The following PRKN variants were observed in gnomAD, a reference collection of about 807,000 sequenced individuals.
PRKN encodes the protein parkin RBR E3 ubiquitin protein ligase.
In PRKN, 56 loss-of-function variants were observed where a neutral mutation model predicts 59.5. That is an observed-to-expected ratio of 0.94 (90% CI 0.76 to 1.18). The LOEUF is 1.18. PRKN is among the 50% of genes most tolerant of loss of function. The pLI is 0.00. For synonymous variants in PRKN, 250 were observed against 222.1 expected, an observed-to-expected ratio of 1.13 and a Z score of -1.12; for missense variants, 657 against 596.4, an observed-to-expected ratio of 1.10 and a Z score of -1.06.
chr6:161,518,652 C>T lies in PRKN; in HGVS notation c.1083+30202G>A, dbSNP rs1200870822. 6.6e-6 allele frequency among the ~76,000 whole-genome samples: 1 copy of T among 152,216 alleles called. No individual in the cohort carries two copies. Among genetic ancestry groups the T allele is most frequent in the Non-Finnish European group, 1.5e-5 (1 of 68,034 alleles). The stretch of plus-strand genomic sequence containing the variant: ...ACAAGCCCAGCCTCCGCTCACCCAG[C>T]CCCCTAGTGAGGTGAACCACGGCTC... On this transcript the variant is annotated intron_variant, in intron 9 of 11. Coordinates refer to ENST00000366898, the MANE Select transcript of PRKN (RefSeq NM_004562.3). This position sits in a 1 kb window ranked among gnomAD's most constrained non-coding sequence, Gnocchi z 5.0.
At chr6:162,559,805 A>T (rs748108362) in intron 1 of PRKN, among the ~76,000 whole-genome samples, 1 of 152,024 alleles carries the variant, frequency 6.6e-6, no homozygotes, top group African/African-American at 2.4e-5. Flanking sequence ...TATCCTACTG[A>T]TATTTTGTTG....
rs72125109 is a variant in PRKN, at chr6:161,750,098, CATATATAT to C, written c.871+35666_871+35673del. Among the ~76,000 whole-genome samples, 707 of 145,184 alleles carry C rather than the reference CATATATAT, an allele frequency of 4.9e-3. 7 individuals carry two copies. Among genetic ancestry groups the C allele is most frequent in the African/African-American group, 0.017 (654 of 38,530 alleles). ...ATTAATGGATATAGCACACATAGGA[CATATATAT>C]ATATATATATATACACACACACACA... On this transcript the variant is annotated intron_variant, in intron 7 of 11. Coordinates refer to ENST00000366898, the MANE Select transcript of PRKN (RefSeq NM_004562.3).
intron 7 of PRKN, among the ~76,000 whole-genome samples, chr6:161,680,762 TATATATATATATA>T (rs1461934287): frequency 0.019 from 349 of 18,064 alleles, 13 homozygotes; most frequent in African/African-American, 0.027. Flanking sequence ...TATATATATA[TATATATATATATA>T]TTTTTTTTTT....
intron 6 of PRKN, among the ~76,000 whole-genome samples, chr6:161,811,702 C>T (rs898666839): frequency 3.9e-5 from 6 of 152,104 alleles, no homozygotes; most frequent in African/African-American, 1.4e-4. Context: ...GCGGGTGGAT[C>T]ACCTGAGGTC....
At chr6:161,351,248 C>G (rs972109181) in intron 11 of PRKN, among the ~76,000 whole-genome samples, 1 of 147,168 alleles carries the variant, frequency 6.8e-6, no homozygotes, top group Non-Finnish European at 1.5e-5. Context: ...TATTTTTGCT[C>G]TTTCTATAGT....
chr6:162,036,449 G>C (rs1783853105), intron 5 of PRKN, among the ~76,000 whole-genome samples: 1 of 151,650 alleles, frequency 6.6e-6, no homozygotes, highest in Non-Finnish European at 1.5e-5. Context: ...GCAGGATCTC[G>C]GCTCACTGCA....
At chr6:161,523,070 TA>T (rs1294511393) in intron 9 of PRKN, among the ~76,000 whole-genome samples, 1 of 151,722 alleles carries the variant, frequency 6.6e-6, no homozygotes. Context: ...TCTTGCTTTT[TA>T]AAAAAAAACT....
intron 1 of PRKN, among the ~76,000 whole-genome samples, chr6:162,495,827 C>A (rs1037117476): frequency 1.8e-4 from 28 of 152,192 alleles, no homozygotes; most frequent in Non-Finnish European, 5.9e-5. Flanking sequence ...TTCTCACCAT[C>A]CCACACCTGG....
intron 2 of PRKN, among the ~76,000 whole-genome samples, chr6:162,400,457 C>CAACAAAA (rs1787725288): frequency 1.0e-5 from 1 of 98,662 alleles, no homozygotes; most frequent in South Asian, 3.9e-4. Context: ...ATGTAAATAT[C>CAACAAAA]AAAAAAAAAA....
intron 6 of PRKN, among the ~76,000 whole-genome samples, chr6:161,925,763 T>G (rs892769886): frequency 1.3e-5 from 2 of 152,092 alleles, no homozygotes; most frequent in Non-Finnish European, 2.9e-5. Context: ...ACAATATGAA[T>G]GATGTTTAGG....
intron 6 of PRKN, among the ~76,000 whole-genome samples, chr6:161,912,197 G>A (rs1255863137): frequency 6.6e-6 from 1 of 151,002 alleles, no homozygotes; most frequent in African/African-American, 2.4e-5. Context: ...AAAAAAAGTT[G>A]GATGATGAAA....
chr6:162,014,340 T>C (rs1341062632), intron 5 of PRKN, among the ~76,000 whole-genome samples: 4 of 152,180 alleles, frequency 2.6e-5, no homozygotes, highest in African/African-American at 7.2e-5. Context: ...CAGGCTTTTT[T>C]ACGTACTCAC....
chr6:161,787,639 T>C (rs1420811022), intron 6 of PRKN, among the ~76,000 whole-genome samples: 2 of 152,226 alleles, frequency 1.3e-5, no homozygotes, highest in East Asian at 3.8e-4. Context: ...TGCCTGTATA[T>C]AACAAAGTTA....
chr6:162,588,437 A>C (rs1409907756), intron 1 of PRKN, among the ~76,000 whole-genome samples: 1 of 152,214 alleles, frequency 6.6e-6, no homozygotes, highest in Non-Finnish European at 1.5e-5. Context: ...TCTAAAAAAC[A>C]ACTGAGTTTC....
At chr6:162,640,645 C>T (rs1777923040) in intron 1 of PRKN, among the ~76,000 whole-genome samples, 1 of 152,190 alleles carries the variant, frequency 6.6e-6, no homozygotes, top group Non-Finnish European at 1.5e-5. Flanking sequence ...TTTTATTCTG[C>T]TGGATACTGC....
chr6:162,322,452 T>G (rs971006895), intron 2 of PRKN, among the ~76,000 whole-genome samples: 9 of 152,118 alleles, frequency 5.9e-5, no homozygotes, highest in South Asian at 4.1e-4. Flanking sequence ...AAGATTCATG[T>G]GACAATGCAG....
In PRKN at chr6:161,497,651, T is replaced by G. The variant is rs1777806132; in HGVS notation, c.1083+51203A>C. ...TGCACCACAAAGTATTTTCAGCTGC[T>G]CTTCTCGCTCCTTTCCCTTTCAATT... On this transcript the variant is annotated intron_variant, in intron 9 of 11. Coordinates refer to ENST00000366898, the MANE Select transcript of PRKN (RefSeq NM_004562.3). The surrounding 1 kb of genome is among the most constrained non-coding windows in gnomAD (Gnocchi z 4.6). Among the ~76,000 whole-genome samples, 1 of 152,086 alleles carries G rather than the reference T, an allele frequency of 6.6e-6. No homozygotes were observed. The highest frequency in any genetic ancestry group is 1.5e-5 in the Non-Finnish European group (1 of 68,026).
chr6:162,522,346 A>G (rs368366916), intron 1 of PRKN, among the ~76,000 whole-genome samples: 3 of 152,092 alleles, frequency 2.0e-5, no homozygotes, highest in African/African-American at 7.2e-5. Flanking sequence ...CTGGTCTCGA[A>G]CTTGTGAGCT....
chr6:161,836,327 G>C (rs1432534484), intron 6 of PRKN, among the ~76,000 whole-genome samples: 3 of 152,190 alleles, frequency 2.0e-5, no homozygotes, highest in Non-Finnish European at 2.9e-5. Context: ...GTCACAGGGA[G>C]TCCCCTCATC....
Sources: gnomAD v4.1 joint callset for allele counts (sites outside exome capture counted in the v4.1 genomes callset) on GRCh38, gnomAD v4.1.1 for gene constraint, Gnocchi (gnomAD v3.1) non-coding constraint, MANE v1.5 for transcripts, NCBI Gene and HGNC (gene_info 2026-07-23, HGNC 2026-07-21) for gene names.